The following CMTM8 variants were observed in gnomAD, a reference collection of about 807,000 sequenced individuals.
The protein encoded by CMTM8 is CKLF-like MARVEL transmembrane domain-containing protein 8.
A neutral mutation model predicts 18.6 loss-of-function variants in CMTM8; 12 were observed. That is an observed-to-expected ratio of 0.65 (90% CI 0.41 to 1.05). The LOEUF (loss-of-function observed/expected upper bound fraction) is 1.05, where lower values mean the gene tolerates loss of function less well. Among genes scored for constraint, CMTM8 ranks in the 50% least tolerant of loss-of-function variants. The probability of loss-of-function intolerance (pLI) is 0.00; values close to 1 mark genes in which losing one functional copy is unlikely to be tolerated. For missense variants in CMTM8, 217 were observed against 227.2 expected (o/e 0.95, Z 0.29); for synonymous variants, 87 against 90.6 (o/e 0.96, Z 0.23).
chr3:32,258,712 T>C (rs1176506261), intron 1 of CMTM8, among the ~76,000 whole-genome samples: 1 of 152,148 alleles, frequency 6.6e-6, no homozygotes, highest in East Asian at 1.9e-4. Context: ...GGTCTCAGTT[T>C]GGTGCCCAGG....
intron 2 of CMTM8, among the ~76,000 whole-genome samples, chr3:32,359,317 G>T (rs930080976): frequency 6.6e-6 from 1 of 152,148 alleles, no homozygotes. Context: ...ACAAAAACTG[G>T]TGGTGGCCGG....
chr3:32,245,512 T>C (rs1702001204), intron 1 of CMTM8, among the ~76,000 whole-genome samples: 1 of 152,252 alleles, frequency 6.6e-6, no homozygotes, highest in African/African-American at 2.4e-5. Flanking sequence ...ATCTCATAAC[T>C]ATTACAAGTA....
intron 1 of CMTM8, among the ~76,000 whole-genome samples, chr3:32,249,058 T>TG (rs35527360): frequency 6.9e-6 from 1 of 145,872 alleles, no homozygotes; most frequent in Non-Finnish European, 1.5e-5. Flanking sequence ...TTTTTTTTTT[T>TG]GATACGGAGT....
At chr3:32,304,796 A>G (rs1470087509) in intron 1 of CMTM8, among the ~76,000 whole-genome samples, 2 of 152,262 alleles carry the variant, frequency 1.3e-5, no homozygotes, top group African/African-American at 4.8e-5. Context: ...AGGTCCAGCT[A>G]GATAAACAGC....
At chr3:32,242,151 G>A (rs1415704960) in intron 1 of CMTM8, among the ~76,000 whole-genome samples, 5 of 152,178 alleles carry the variant, frequency 3.3e-5, no homozygotes, top group Non-Finnish European at 7.3e-5. Context: ...GGGACACACA[G>A]CCTCTTGTAG....
intron 1 of CMTM8, among the ~76,000 whole-genome samples, chr3:32,293,503 G>T (rs1702820293): frequency 6.6e-6 from 1 of 152,146 alleles, no homozygotes; most frequent in Non-Finnish European, 1.5e-5. Context: ...AGCCAAGATT[G>T]TGCCACTGCA....
intron 1 of CMTM8, among the ~76,000 whole-genome samples, chr3:32,284,178 G>C (rs543186603): frequency 6.6e-6 from 1 of 152,332 alleles, no homozygotes; most frequent in African/African-American, 2.4e-5. Flanking sequence ...ATTTGAGCCC[G>C]GGAGGCAGAG....
At chr3:32,268,181 C>T (rs1415138143) in intron 1 of CMTM8, among the ~76,000 whole-genome samples, 3 of 152,292 alleles carry the variant, frequency 2.0e-5, no homozygotes, top group Non-Finnish European at 4.4e-5. Context: ...GTAGCAAAGA[C>T]TTCGAACCAA....
intron 1 of CMTM8, among the ~76,000 whole-genome samples, chr3:32,249,072 A>G (rs1702081002): frequency 9.2e-6 from 1 of 108,704 alleles, no homozygotes; most frequent in East Asian, 2.9e-4. Flanking sequence ...ACGGAGTCTC[A>G]CGCTTTCGCC....
At chr3:32,259,250 G>T in intron 1 of CMTM8, 2 of 605,116 alleles carry the variant, frequency 3.3e-6, no homozygotes, top group South Asian at 1.5e-5. Context: ...AAAGTGAAGA[G>T]CCTGGAGACC....
chr3:32,336,143 G>C (rs1380818608), intron 1 of CMTM8, among the ~76,000 whole-genome samples: 1 of 152,222 alleles, frequency 6.6e-6, no homozygotes, highest in East Asian at 1.9e-4. Context: ...ACATTAAAGA[G>C]TAGCTGTGTG....
At chr3:32,315,350 G>A (rs564340679) in intron 1 of CMTM8, among the ~76,000 whole-genome samples, 25 of 152,036 alleles carry the variant, frequency 1.6e-4, no homozygotes, top group Non-Finnish European at 2.2e-4. Flanking sequence ...GGCTGGTCTC[G>A]AACTCCTCAC....
At chr3:32,335,924 C>A (rs930592929) in intron 1 of CMTM8, among the ~76,000 whole-genome samples, 28 of 152,132 alleles carry the variant, frequency 1.8e-4, no homozygotes, top group Non-Finnish European at 5.9e-5. Flanking sequence ...GGCAGTTAAA[C>A]ATCCGGAGGG....
At chr3:32,349,127 G>GT (rs2125593862) in intron 1 of CMTM8, among the ~76,000 whole-genome samples, 1 of 152,060 alleles carries the variant, frequency 6.6e-6, no homozygotes, top group South Asian at 2.1e-4. Context: ...CTTCCAGTTT[G>GT]TTTTTTGGTT....
intron 1 of CMTM8, chr3:32,258,927 G>T: frequency 6.6e-6 from 2 of 304,476 alleles, no homozygotes; most frequent in East Asian, 8.7e-5. Context: ...CCACCCCACT[G>T]CCCCCGGACA....
chr3:32,241,683 C>T (rs978608541), intron 1 of CMTM8, among the ~76,000 whole-genome samples: 28 of 152,196 alleles, frequency 1.8e-4, no homozygotes, highest in African/African-American at 6.8e-4. Context: ...ATGGGTTTAT[C>T]AGGATGTAAC....
chr3:32,362,383 T>C (rs1696953079), intron 2 of CMTM8, among the ~76,000 whole-genome samples: 2 of 152,202 alleles, frequency 1.3e-5, no homozygotes, highest in African/African-American at 4.8e-5. Context: ...GTGCTAGATG[T>C]CACACTGGGT....
intron 1 of CMTM8, among the ~76,000 whole-genome samples, chr3:32,353,864 A>G (rs1408608342): frequency 1.4e-5 from 2 of 147,504 alleles, no homozygotes; most frequent in East Asian, 4.0e-4. Context: ...GGCTCACTGC[A>G]GCCTCTGCCT....
chr3:32,283,253 T>C (rs1702632701), intron 1 of CMTM8, among the ~76,000 whole-genome samples: 1 of 152,252 alleles, frequency 6.6e-6, no homozygotes, highest in Non-Finnish European at 1.5e-5. Flanking sequence ...TTGTCCCTGC[T>C]ATTACTGTTG....
Sources: gnomAD v4.1 joint callset for allele counts (sites outside exome capture counted in the v4.1 genomes callset) on GRCh38, gnomAD v4.1.1 for gene constraint, MANE v1.5 for transcripts, NCBI Gene and HGNC (gene_info 2026-07-23, HGNC 2026-07-21) for gene names.